Variants in GABBR2 observed in about 807,000 individuals in gnomAD.
GABBR2 encodes the protein G-protein coupled receptor 51.
A neutral mutation model predicts 105.6 loss-of-function variants in GABBR2; 23 were observed. That is an observed-to-expected ratio of 0.22 (90% CI 0.16 to 0.31). The LOEUF is 0.31. GABBR2 is among the 10% of genes least tolerant of loss of function. The probability of loss-of-function intolerance (pLI) is 1.00; values close to 1 mark genes in which losing one functional copy is unlikely to be tolerated. For missense variants in GABBR2, 734 were observed against 1,245.5 expected (o/e 0.59, Z 6.18); for synonymous variants, 478 against 499.7 (o/e 0.96, Z 0.58).
At chr9:98,337,899 G>A (rs549759871) in intron 13 of GABBR2, among the ~76,000 whole-genome samples, 2 of 152,296 alleles carry the variant, frequency 1.3e-5, no homozygotes, top group East Asian at 3.9e-4. Flanking sequence ...GTGGGTGCCT[G>A]TAATCCCAGT....
At chr9:98,408,695 T>C (rs574264349) in intron 7 of GABBR2, among the ~76,000 whole-genome samples, 20 of 152,368 alleles carry the variant, frequency 1.3e-4, no homozygotes, top group African/African-American at 4.8e-4. Flanking sequence ...TTAGGAGGGA[T>C]AGCAGAAACA....
chr9:98,609,327 T>C (rs1829473633), intron 1 of GABBR2, among the ~76,000 whole-genome samples: 1 of 152,130 alleles, frequency 6.6e-6, no homozygotes, highest in Non-Finnish European at 1.5e-5. Context: ...ATCTTGCAGT[T>C]GGCATTTCCC....
intron 3 of GABBR2, chr9:98,538,489 A>C: frequency 6.2e-4 from 222 of 359,574 alleles, no homozygotes; most frequent in South Asian, 7.9e-4. Context: ...AAGTGGGCCT[A>C]GAGATCAGTA....
At chr9:98,586,930 C>T (rs914412231) in intron 1 of GABBR2, among the ~76,000 whole-genome samples, 27 of 152,320 alleles carry the variant, frequency 1.8e-4, no homozygotes, top group Non-Finnish European at 1.8e-4. Flanking sequence ...TACGCGCCTC[C>T]TTGCACACAT....
At chr9:98,444,036 C>G (rs1200494765) in intron 7 of GABBR2, among the ~76,000 whole-genome samples, 2 of 152,196 alleles carry the variant, frequency 1.3e-5, no homozygotes, top group Non-Finnish European at 2.9e-5. Context: ...GACTTGGTAG[C>G]CTTGCATAAA....
intron 2 of GABBR2, among the ~76,000 whole-genome samples, chr9:98,568,518 A>C (rs1316474378): frequency 6.6e-6 from 1 of 152,184 alleles, no homozygotes; most frequent in Non-Finnish European, 1.5e-5. Context: ...GGGCCTTCAA[A>C]GAGCACAGAG....
intron 2 of GABBR2, among the ~76,000 whole-genome samples, chr9:98,542,797 A>T (rs910838518): frequency 6.6e-6 from 1 of 152,264 alleles, no homozygotes; most frequent in African/African-American, 2.4e-5. Flanking sequence ...ATCACCAAAT[A>T]AAACCCTGAA....
At chr9:98,343,400 C>T (rs745876303) in intron 13 of GABBR2, among the ~76,000 whole-genome samples, 8 of 152,122 alleles carry the variant, frequency 5.3e-5, no homozygotes, top group Non-Finnish European at 1.0e-4. Flanking sequence ...TGCCATGTCG[C>T]TCCATTTCAA....
chr9:98,495,627 T>C (rs1360943220), intron 4 of GABBR2, among the ~76,000 whole-genome samples: 2 of 152,184 alleles, frequency 1.3e-5, no homozygotes, highest in Admixed American at 1.3e-4. Flanking sequence ...TAAGCCATGA[T>C]GAGCATGGCT....
At position 98,496,442 on chromosome 9, in the gene GABBR2, C is replaced by T. The variant is rs1046552015; in HGVS notation, c.703G>A (p.Asp235Asn). Residue 235 changes from aspartate (D) to asparagine (N), a missense_variant, in exon 4 of 19, where the codon GAT becomes AAT. This residue lies in a region of GABBR2 where 370 missense variants were observed against 648.9 expected (regional missense o/e 0.57). Transcript: ENST00000259455. Reference protein sequence around the residue: ...EISDTESFSNDPCTSVKKLKG... With the variant: ...EISDTESFSNNPCTSVKKLKG... ...AGCTTTTTGACACTGGTACAGGGAT[C>T]GTTGGAGAAGCTCTCGGTGTCTGAA... 9.9e-6 allele frequency: 16 copies of T among 1,611,966 alleles called. No homozygotes were observed. The highest frequency in any genetic ancestry group is 1.4e-5 in the Non-Finnish European group (16 of 1,178,440).
intron 12 of GABBR2, 85 bp downstream of exon 12, chr9:98,371,379 T>G: frequency 1.3e-6 from 1 of 752,250 alleles, no homozygotes; most frequent in Non-Finnish European, 2.3e-6. Context: ...AGCAAATAGC[T>G]CAGTGCCTGG....
chr9:98,340,057 C>T (rs1472868030), intron 13 of GABBR2, among the ~76,000 whole-genome samples: 1 of 152,152 alleles, frequency 6.6e-6, no homozygotes, highest in Non-Finnish European at 1.5e-5. Flanking sequence ...TTGCCGCACA[C>T]TCTTTCCCTT....
At chr9:98,449,697 G>T (rs1047656134) in intron 7 of GABBR2, among the ~76,000 whole-genome samples, 1 of 152,230 alleles carries the variant, frequency 6.6e-6, no homozygotes, top group South Asian at 2.1e-4. Context: ...TCAGAAAAGG[G>T]GATTCTCAGA....
In GABBR2 at chr9:98,306,541, G is replaced by A. The variant is rs1484547693; in HGVS notation, c.2005-196C>T. Reference sequence around the variant, plus strand: ...TTGTGGCCCTGCTGAGTCCTGCTGAGCAAATGCAGACTGGGGATGTGACAG... The same window carrying A: ...TTGTGGCCCTGCTGAGTCCTGCTGAACAAATGCAGACTGGGGATGTGACAG... On this transcript the variant is annotated intron_variant, in intron 14 of 18. Coordinates refer to ENST00000259455, the MANE Select transcript of GABBR2 (RefSeq NM_005458.8). This position sits in a 1 kb window ranked among gnomAD's most constrained non-coding sequence, Gnocchi z 5.4. 1 of 604,982 alleles carries A rather than the reference G, an allele frequency of 1.7e-6. No individual in the cohort carries two copies. Among genetic ancestry groups the A allele is most frequent in the Non-Finnish European group, 3.0e-6 (1 of 338,006 alleles). 37.5% of individuals were successfully genotyped at this position (604,982 alleles called of 1,614,324 possible). A position where few individuals can be genotyped will look rare whatever the true frequency, so the allele number is the denominator to read the frequency against.
intron 7 of GABBR2, among the ~76,000 whole-genome samples, chr9:98,451,813 A>G (rs528709745): frequency 2.0e-5 from 3 of 152,150 alleles, no homozygotes; most frequent in African/African-American, 7.2e-5. Context: ...TTCCAGCCCA[A>G]CTAACTGTCC....
chr9:98,429,806 C>A (rs1474259496), intron 7 of GABBR2, among the ~76,000 whole-genome samples: 1 of 152,158 alleles, frequency 6.6e-6, no homozygotes, highest in African/African-American at 2.4e-5. Flanking sequence ...GGCCACAGTC[C>A]TTTTAAGTAG....
rs747949227 is a variant in GABBR2 at position 98,577,938 on chromosome 9, C to T, written c.456G>A (p.Val152=). The stretch of plus-strand genomic sequence containing the variant: ...AAGAAGGTAGCTCAGACCTTACCTG[C>T]ACCAGATTCCAGCCTTGGAGGGACT... ...IAESLQGWNL[V]QLSFAATTPV... is the part of the protein sequence containing the mutation. The change falls in exon 2 of 19, where the codon GTG becomes GTA. Residue 152 remains valine (V), a synonymous_variant. Transcript: ENST00000259455. 2 of 1,611,214 alleles carry T rather than the reference C, an allele frequency of 1.2e-6. No homozygotes were observed. Among genetic ancestry groups the T allele is most frequent in the South Asian group, 2.2e-5 (2 of 90,550 alleles).
chr9:98,663,034 G>A (rs72760684), intron 1 of GABBR2, among the ~76,000 whole-genome samples: 16,017 of 152,150 alleles, frequency 0.11, 936 homozygotes, highest in African/African-American at 0.14. Context: ...TGATCATGAT[G>A]AGAGGACCCT....
chr9:98,450,468 G>A (rs1826211778), intron 7 of GABBR2, among the ~76,000 whole-genome samples: 1 of 152,168 alleles, frequency 6.6e-6, no homozygotes, highest in South Asian at 2.1e-4. Context: ...AAGGTAACAT[G>A]GAGTGCAGGA....
Sources: allele counts gnomAD v4.1 joint callset (sites outside exome capture counted in the v4.1 genomes callset), GRCh38; gene constraint gnomAD v4.1.1; regional missense constraint gnomAD v4.1.1; non-coding constraint Gnocchi (gnomAD v3.1); transcripts MANE v1.5; gene names NCBI Gene and HGNC (gene_info 2026-07-23, HGNC 2026-07-21).